Variants in ERBB4 observed in about 807,000 individuals in gnomAD.
ERBB4 encodes the protein receptor tyrosine-protein kinase erbB-4.
ERBB4 carries 42 observed loss-of-function variants against 158.0 expected under a neutral mutation model. That is an observed-to-expected ratio of 0.27 (90% CI 0.21 to 0.34). The LOEUF (loss-of-function observed/expected upper bound fraction) is 0.34. Ranked by LOEUF, ERBB4 falls within the 10% of genes least tolerant of loss-of-function variation. The pLI is 1.00. For synonymous variants in ERBB4, 583 were observed against 558.7 expected, an observed-to-expected ratio of 1.04 and a Z score of -0.61; for missense variants, 1,333 against 1,624.1, an observed-to-expected ratio of 0.82 and a Z score of 3.08.
Position 211,475,841 on chromosome 2 carries a change from T to TGTGTATTTGAATTTATCTGTAGTAGTATA in ERBB4, c.2488-44770_2488-44742dup, listed in dbSNP as rs1268744978. Among the ~76,000 whole-genome samples, 6 of 152,264 alleles carry TGTGTATTTGAATTTATCTGTAGTAGTATA rather than the reference T, an allele frequency of 3.9e-5. No individual in the cohort carries two copies. In the East Asian group the frequency reaches 7.7e-4, roughly 20 times the overall value. On this transcript the variant is annotated intron_variant, in intron 20 of 27. Transcript: ENST00000342788. ...TCAACCAAACAATAAAAGTAATAAA[T>TGTGTATTTGAATTTATCTGTAGTAGTATA]GTGTATTTGAATTTATCTGTAGTAG...
intron 20 of ERBB4, among the ~76,000 whole-genome samples, chr2:211,482,852 C>T (rs1045260920): frequency 2.0e-5 from 3 of 151,970 alleles, no homozygotes; most frequent in Non-Finnish European, 2.9e-5. Context: ...TTGCGGTGAG[C>T]CAAGATCGCA....
rs575722132 is a variant in ERBB4 at position 212,320,605 on chromosome 2, G to A, written c.83-195702C>T. Among the ~76,000 whole-genome samples the A allele has an allele frequency of 7.3e-4, 109 of 149,834 alleles. 8 individuals carry two copies. The South Asian group carries it at 0.023, about 31-fold the overall frequency. On this transcript the variant is annotated intron_variant, in intron 1 of 27. Transcript: ENST00000342788. ...AGGTTGAAAGTCTCTGAGGGCAGGA[G>A]TGAAGCTAGGGGAAAGGCTTGAGGG...
intron 5 of ERBB4, among the ~76,000 whole-genome samples, chr2:211,737,436 A>G (rs528953428): frequency 3.9e-5 from 6 of 152,136 alleles, no homozygotes; most frequent in Admixed American, 1.3e-4. Flanking sequence ...CAGTGTATAT[A>G]CCGAAATGAT....
chr2:211,785,133 C>T (rs1244114613), intron 4 of ERBB4, among the ~76,000 whole-genome samples: 1 of 147,374 alleles, frequency 6.8e-6, no homozygotes, highest in East Asian at 2.1e-4. Context: ...GACGGAGTCT[C>T]ACTCTGTCCC....
intron 25 of ERBB4, among the ~76,000 whole-genome samples, chr2:211,392,841 G>A (rs779472342): frequency 6.6e-6 from 1 of 151,890 alleles, no homozygotes; most frequent in Non-Finnish European, 1.5e-5. Flanking sequence ...CTAATTTTTA[G>A]AGACAGGGTT....
intron 20 of ERBB4, among the ~76,000 whole-genome samples, chr2:211,553,719 A>G (rs932903122): frequency 1.3e-5 from 2 of 152,190 alleles, no homozygotes; most frequent in African/African-American, 4.8e-5. Flanking sequence ...AGAGAGATTA[A>G]CTAACTTATT....
chr2:211,626,469 A>C (rs1050763324), intron 17 of ERBB4, among the ~76,000 whole-genome samples: 1 of 152,202 alleles, frequency 6.6e-6, no homozygotes, highest in South Asian at 2.1e-4. Context: ...TAAAGATTTA[A>C]ATTGACTATC....
At chr2:212,061,575 G>A (rs1320572487) in intron 2 of ERBB4, among the ~76,000 whole-genome samples, 3 of 147,120 alleles carry the variant, frequency 2.0e-5, no homozygotes, top group African/African-American at 7.6e-5. Flanking sequence ...AAATATCCAT[G>A]ATAACAGTCA....
At chr2:211,723,077 A>G (rs2074155542) in intron 6 of ERBB4, among the ~76,000 whole-genome samples, 1 of 152,232 alleles carries the variant, frequency 6.6e-6, no homozygotes, top group South Asian at 2.1e-4. Context: ...CAAAATGTAA[A>G]GAGGTAATTA....
intron 1 of ERBB4, among the ~76,000 whole-genome samples, chr2:212,347,300 C>T (rs2089051922): frequency 6.6e-6 from 1 of 151,410 alleles, no homozygotes; most frequent in African/African-American, 2.4e-5. Context: ...TCAGAAGTGT[C>T]CATGTTTTCT....
chr2:212,184,345 C>T (rs1276770022), intron 1 of ERBB4, among the ~76,000 whole-genome samples: 1 of 152,092 alleles, frequency 6.6e-6, no homozygotes, highest in Non-Finnish European at 1.5e-5. Flanking sequence ...TAATCACCCC[C>T]TTCTCACCTT....
chr2:211,496,155 C>T (rs1574607717), intron 20 of ERBB4, among the ~76,000 whole-genome samples: 1 of 152,016 alleles, frequency 6.6e-6, no homozygotes, highest in Admixed American at 6.6e-5. Context: ...CTCTATCATC[C>T]TAATTTGGAC....
At chr2:211,706,601 C>CAAAAAAAAAAAAAAAAAAAAA (rs201615846) in intron 9 of ERBB4, among the ~76,000 whole-genome samples, 1 of 94,472 alleles carries the variant, frequency 1.1e-5, no homozygotes. Flanking sequence ...CTTAAAAAAA[C>CAAAAAAAAAAAAAAAAAAAAA]AAAAAAAAAA....
chr2:212,292,117 T>A (rs1053613729), intron 1 of ERBB4, among the ~76,000 whole-genome samples: 1 of 152,022 alleles, frequency 6.6e-6, no homozygotes, highest in Non-Finnish European at 1.5e-5. Flanking sequence ...AAACAATTTT[T>A]AAGTCAGAAA....
intron 1 of ERBB4, among the ~76,000 whole-genome samples, chr2:212,422,963 C>T (rs1012119090): frequency 1.6e-4 from 24 of 151,946 alleles, no homozygotes; most frequent in Non-Finnish European, 2.9e-4. Flanking sequence ...TGTGAAATAC[C>T]ACAGAGTACA....
In ERBB4 at chr2:211,599,513, C is replaced by CTGTGTGTGTGTG. The variant is rs6147153; in HGVS notation, c.2301+19652_2301+19663dup. Among the ~76,000 whole-genome samples, 89 of 140,900 alleles carry CTGTGTGTGTGTG rather than the reference C, an allele frequency of 6.3e-4. 2 individuals are homozygous for CTGTGTGTGTGTG. Among genetic ancestry groups the CTGTGTGTGTGTG allele is most frequent in the Middle Eastern group, 3.6e-3 (1 of 276 alleles). The allele number at this position is 140,900 out of a possible 152,430, so 92.4% of individuals were successfully genotyped here. On this transcript the variant is annotated intron_variant, in intron 19 of 27. Coordinates refer to ENST00000342788, the MANE Select transcript of ERBB4 (RefSeq NM_005235.3). ...ACAGGCTCACAGAAAATAATTTCTT[C>CTGTGTGTGTGTG]TGTGTGTGTGTGTGTGTGTGTGTTT...
At chr2:212,052,976 C>T (rs761799740) in intron 2 of ERBB4, among the ~76,000 whole-genome samples, 12 of 152,162 alleles carry the variant, frequency 7.9e-5, no homozygotes, top group Middle Eastern at 3.2e-3. Context: ...CCAGTAGCAA[C>T]GGGACCTGGA....
chr2:211,418,186 A>AACTT lies in ERBB4; in HGVS notation c.3135+2251_3135+2254dup, dbSNP rs2063435603. 3.3e-5 allele frequency among the ~76,000 whole-genome samples: 5 copies of AACTT among 152,070 alleles called. 1 individual carries two copies. The South Asian group carries it at 1.0e-3, about 31-fold the overall frequency. On this transcript the variant is annotated intron_variant, in intron 25 of 27. Coordinates refer to ENST00000342788, the MANE Select transcript of ERBB4 (RefSeq NM_005235.3). ...CCCTTAGCACGTTATTTAGCCACCA[A>AACTT]ACTTAAAATGGTAGTAATTTGTTTT...
At chr2:211,821,443 A>G (rs1421132345) in intron 3 of ERBB4, among the ~76,000 whole-genome samples, 2 of 151,906 alleles carry the variant, frequency 1.3e-5, no homozygotes, top group East Asian at 1.9e-4. Flanking sequence ...TGACCATACT[A>G]TCTAAAGCAA....
Sources: allele counts gnomAD v4.1 joint callset (sites outside exome capture counted in the v4.1 genomes callset), GRCh38; gene constraint gnomAD v4.1.1; transcripts MANE v1.5; gene names NCBI Gene and HGNC (gene_info 2026-07-23, HGNC 2026-07-21).